Variants in PRSS38 observed in about 807,000 individuals in gnomAD.
PRSS38 encodes marapsin 2.
In PRSS38, 22 loss-of-function variants were observed where a neutral mutation model predicts 26.8. That is an observed-to-expected ratio of 0.82 (90% CI 0.59 to 1.17). The LOEUF (loss-of-function observed/expected upper bound fraction) is 1.17, where lower values mean the gene tolerates loss of function less well. Among genes scored for constraint, PRSS38 ranks in the 50% most tolerant of loss-of-function variants. The pLI, the probability that PRSS38 is intolerant of heterozygous loss-of-function variation, is 0.00. For missense variants in PRSS38, 427 were observed against 422.7 expected (o/e 1.01, Z -0.09); for synonymous variants, 175 against 172.1 (o/e 1.02, Z -0.13).
chr1:227,823,169 A>C (rs977156626), intron 3 of PRSS38, among the ~76,000 whole-genome samples: 1 of 152,126 alleles, frequency 6.6e-6, no homozygotes, highest in Non-Finnish European at 1.5e-5. Flanking sequence ...GCTCCCACTC[A>C]TAAGTGAGAA....
intron 3 of PRSS38, among the ~76,000 whole-genome samples, chr1:227,839,497 G>A (rs1325619801): frequency 6.7e-6 from 1 of 150,230 alleles, no homozygotes; most frequent in Non-Finnish European, 1.5e-5. Context: ...AACCAGAGCA[G>A]GACCCTGTCT....
chr1:227,841,002 G>A (rs970158174), intron 3 of PRSS38, among the ~76,000 whole-genome samples: 4 of 152,230 alleles, frequency 2.6e-5, no homozygotes, highest in African/African-American at 9.6e-5. Context: ...GTATTTTAGA[G>A]AAGCCTCTAA....
chr1:227,845,998 G>A lies in PRSS38; in HGVS notation c.771G>A (p.Trp257Ter), dbSNP rs1449665902. 4 of 1,614,126 alleles carry A rather than the reference G, an allele frequency of 2.5e-6. No homozygotes were observed. In the East Asian group the frequency reaches 8.9e-5, roughly 36 times the overall value. ...TTGTCTGTGAATTCAACCGCAGCTG[G>A]TTGCAGATTGGAATTGTGAGCTGGG... The change falls in exon 5 of 5, where the codon TGG becomes TGA. Residue 257 changes from tryptophan to a stop codon, truncating the protein, a stop_gained. Coordinates refer to ENST00000366757, the Ensembl canonical transcript of PRSS38. LOFTEE classifies it low-confidence loss of function (END_TRUNC).
At chr1:227,834,162 G>A (rs1037995806) in intron 3 of PRSS38, among the ~76,000 whole-genome samples, 1 of 152,172 alleles carries the variant, frequency 6.6e-6, no homozygotes, top group African/African-American at 2.4e-5. Context: ...GATCCTCCCT[G>A]AGACCCCTGA....
Position 227,845,046 on chromosome 1 carries a change from T to C in PRSS38, c.584-424T>C, listed in dbSNP as rs554957644. On this transcript the variant is annotated intron_variant, in intron 3 of 4. Coordinates refer to ENST00000366757, the Ensembl canonical transcript of PRSS38. ...CTATGTGTGGTGGGGCTCTTCCCTA[T>C]GTGTGGTGGAGCTCCTCCCTATGTT... 3.4e-5 allele frequency among the ~76,000 whole-genome samples: 5 copies of C among 145,920 alleles called. No homozygotes were observed. The South Asian group carries it at 6.8e-4, about 20-fold the overall frequency.
chr1:227,829,994 T>C (rs1051138569), intron 3 of PRSS38, among the ~76,000 whole-genome samples: 2 of 152,224 alleles, frequency 1.3e-5, no homozygotes, highest in African/African-American at 4.8e-5. Flanking sequence ...TCCTAGTTTG[T>C]TGAGTATCTT....
At position 227,815,878 on chromosome 1, in the gene PRSS38, CA is replaced by C. The variant is rs773554984; in HGVS notation, c.148+15del. ...CTGGCAGCGTGGGTAGGCCCTGCCC[CA>C]GGGGCGGATGGGCGGCTGGAGACAG... is the stretch of plus-strand genomic sequence containing the variant. On this transcript the variant is annotated intron_variant, in intron 1 of 4. Transcript: ENST00000366757. 4.5e-5 allele frequency: 72 copies of C among 1,591,338 alleles called. No individual in the cohort carries two copies. In the African/African-American group the frequency reaches 7.5e-4, roughly 17 times the overall value.
intron 3 of PRSS38, among the ~76,000 whole-genome samples, chr1:227,822,300 T>C (rs1035831290): frequency 2.0e-5 from 3 of 152,168 alleles, no homozygotes; most frequent in Admixed American, 2.0e-4. Context: ...ATACACTTGT[T>C]TAAAGTCTTT....
exon 3 of PRSS38, chr1:227,817,311 C>A (rs1475681820): frequency 2.5e-6 from 4 of 1,614,162 alleles, no homozygotes; most frequent in South Asian, 1.1e-5. Flanking sequence ...TGATCCTGCA[C>A]CCCACATATG....
chr1:227,835,584 AAAAATGAAACAAACTGGGGCAT>A (rs1376506452), intron 3 of PRSS38, among the ~76,000 whole-genome samples: 2 of 152,216 alleles, frequency 1.3e-5, no homozygotes, highest in Non-Finnish European at 2.9e-5. Context: ...CCCACAGTGG[AAAAATGAAACAAACTGGGGCAT>A]AAACATAGGA....
At chr1:227,822,273 C>T (rs1371209425) in intron 3 of PRSS38, among the ~76,000 whole-genome samples, 1 of 152,016 alleles carries the variant, frequency 6.6e-6, no homozygotes, top group East Asian at 1.9e-4. Flanking sequence ...TTTCCCTTAG[C>T]TCTTTGAGCA....
intron 3 of PRSS38, among the ~76,000 whole-genome samples, chr1:227,833,625 G>C (rs1437014762): frequency 6.6e-6 from 1 of 152,110 alleles, no homozygotes; most frequent in Non-Finnish European, 1.5e-5. Flanking sequence ...CATAAGGAGA[G>C]ATATATAGAC....
intron 3 of PRSS38, among the ~76,000 whole-genome samples, chr1:227,818,819 A>C (rs1664960882): frequency 6.6e-6 from 1 of 152,070 alleles, no homozygotes; most frequent in Admixed American, 6.6e-5. Context: ...TATTCTCTGC[A>C]ATAGTTTCTA....
chr1:227,845,993 AGCTGGTTGC>A (rs1228846935), exon 5 of PRSS38: 1 of 1,614,164 alleles, frequency 6.2e-7, no homozygotes. Flanking sequence ...ATTCAACCGC[AGCTGGTTGC>A]AGATTGGAAT....
At chr1:227,820,495 C>T (rs564610033) in intron 3 of PRSS38, among the ~76,000 whole-genome samples, 1 of 152,162 alleles carries the variant, frequency 6.6e-6, no homozygotes, top group East Asian at 1.9e-4. Context: ...TGAGATGATC[C>T]TATGTTGTCT....
chr1:227,838,139 T>C (rs1665265318), intron 3 of PRSS38, among the ~76,000 whole-genome samples: 1 of 152,210 alleles, frequency 6.6e-6, no homozygotes, highest in African/African-American at 2.4e-5. Context: ...ATATTAATAT[T>C]TTGGTTTCAC....
chr1:227,844,657 TGG>T (rs1453147279), intron 3 of PRSS38, among the ~76,000 whole-genome samples: 1 of 138,894 alleles, frequency 7.2e-6, no homozygotes, highest in Non-Finnish European at 1.5e-5. Flanking sequence ...TTATGTGTGG[TGG>T]GGTCCTCCCT....
intron 3 of PRSS38, among the ~76,000 whole-genome samples, chr1:227,828,086 C>T (rs575049173): frequency 5.9e-5 from 9 of 152,238 alleles, no homozygotes; most frequent in Admixed American, 1.3e-4. Flanking sequence ...CTTCTGCATT[C>T]GCTAAGGAGT....
At chr1:227,833,449 C>A (rs938857131) in intron 3 of PRSS38, among the ~76,000 whole-genome samples, 1 of 151,946 alleles carries the variant, frequency 6.6e-6, no homozygotes, top group Non-Finnish European at 1.5e-5. Flanking sequence ...ATCACTTGAA[C>A]CAAGGAGGCA....
Sources: allele counts gnomAD v4.1 joint callset (sites outside exome capture counted in the v4.1 genomes callset), GRCh38; gene constraint gnomAD v4.1.1; transcripts MANE v1.5; gene names NCBI Gene and HGNC (gene_info 2026-07-23, HGNC 2026-07-21).